CHKA: variants seen among roughly 807,000 people sequenced by gnomAD.
CHKA encodes the protein CHETK-alpha.
In CHKA, 34 loss-of-function variants were observed where a neutral mutation model predicts 60.1. That is an observed-to-expected ratio of 0.57 (90% confidence interval 0.43 to 0.75). CHKA has a LOEUF of 0.75. Ranked by LOEUF, CHKA falls within the 30% of genes least tolerant of loss-of-function variation. CHKA has a pLI of 0.00. For missense variants in CHKA, 563 were observed against 561.3 expected (o/e 1.00, Z -0.03); for synonymous variants, 217 against 223.1 (o/e 0.97, Z 0.24).
At chr11:68,057,254 A>AT (rs113599464) in intron 11 of CHKA, among the ~76,000 whole-genome samples, 7,410 of 152,234 alleles carry the variant, frequency 0.049, 214 homozygotes, top group African/African-American at 0.083. Context: ...AACTTACTCT[A>AT]TTTTTTCCTC....
At chr11:68,098,556 G>A (rs1204005902) in intron 1 of CHKA, among the ~76,000 whole-genome samples, 3 of 152,108 alleles carry the variant, frequency 2.0e-5, no homozygotes, top group Admixed American at 1.3e-4. Context: ...TTGGGAAGAC[G>A]ACAACATTCT....
rs957294875 is a variant in CHKA at position 68,121,051 on chromosome 11, G to A, written c.127C>T (p.Leu43Phe). Residue 43 changes from leucine to phenylalanine, a missense_variant, in exon 1 of 12, where the codon CTC becomes TTC. Physicochemically the swap from Leu to Phe is conservative, Grantham distance 22. Transcript: ENST00000265689. Reference protein sequence around the residue: ...VGQQRDAASDLESKQLGGQQP... With the variant: ...VGQQRDAASDFESKQLGGQQP... ...TGGCCGCCCAGCTGCTTGGACTCGA[G>A]GTCGCTGGCGGCGTCGCGCTGCTGC... 9.0e-7 allele frequency: 1 copy of A among 1,113,364 alleles called. No homozygotes were observed. The highest frequency in any genetic ancestry group is 1.1e-6 in the Non-Finnish European group (1 of 912,846). 69.0% of individuals were successfully genotyped at this position (1,113,364 alleles called of 1,614,324 possible). A position where few individuals can be genotyped will look rare whatever the true frequency, so the allele number is the denominator to read the frequency against.
intron 2 of CHKA, 110 bp downstream of exon 2, chr11:68,096,909 T>G: frequency 1.5e-6 from 1 of 665,464 alleles, no homozygotes; most frequent in Non-Finnish European, 2.5e-6. Flanking sequence ...TACTCAAATA[T>G]CTTTAGTAAC....
At chr11:68,115,570 T>C (rs1272685741) in intron 1 of CHKA, among the ~76,000 whole-genome samples, 3 of 152,106 alleles carry the variant, frequency 2.0e-5, no homozygotes, top group Admixed American at 6.6e-5. Context: ...CTGGGCACAG[T>C]GGCACACACT....
Position 68,053,971 on chromosome 11 carries a change from T to C in CHKA, c.*17A>G, listed in dbSNP as rs778871823. Reference sequence around the variant, plus strand: ...CCATGCAGTCCAGTGATGAGGTGGATGGAGTCCTCCCCACAGTCACACCCC... The same window carrying C: ...CCATGCAGTCCAGTGATGAGGTGGACGGAGTCCTCCCCACAGTCACACCCC... On this transcript the variant is annotated 3_prime_UTR_variant, in exon 12 of 12. Coordinates refer to ENST00000265689, the MANE Select transcript of CHKA (RefSeq NM_001277.3). 1 of 1,611,788 alleles carries C rather than the reference T, an allele frequency of 6.2e-7. No homozygotes were observed. The highest frequency in any genetic ancestry group is 1.1e-5 in the South Asian group (1 of 90,586).
At chr11:68,068,683 G>A (rs775091264) in intron 7 of CHKA, among the ~76,000 whole-genome samples, 196 bp downstream of exon 7, 1 of 152,154 alleles carries the variant, frequency 6.6e-6, no homozygotes, top group Non-Finnish European at 1.5e-5. Context: ...CTCCCAAAGT[G>A]CTGGGATTAC....
At chr11:68,064,015 G>A (rs1462324046) in intron 10 of CHKA, among the ~76,000 whole-genome samples, 2 of 152,226 alleles carry the variant, frequency 1.3e-5, no homozygotes, top group East Asian at 3.8e-4. Context: ...TTTGCCTGCT[G>A]TATGCTCAGA....
Position 68,110,907 on chromosome 11 carries a change from A to G in CHKA, c.350+9921T>C, listed in dbSNP as rs528107740. 2.6e-4 allele frequency among the ~76,000 whole-genome samples: 40 copies of G among 151,816 alleles called. No individual in the cohort carries two copies. In the South Asian group the frequency reaches 8.1e-3, roughly 31 times the overall value. On this transcript the variant is annotated intron_variant, in intron 1 of 11. Coordinates refer to ENST00000265689, the MANE Select transcript of CHKA (RefSeq NM_001277.3). ...CAGCTACTCGGGAGGCTGAGGCAGGAGAATCGCTTGAATCCAGGAGGCGGA... is the reference window on the plus strand; with the variant it reads ...CAGCTACTCGGGAGGCTGAGGCAGGGGAATCGCTTGAATCCAGGAGGCGGA...
chr11:68,060,032 C>CTTTTTTTTTTTTTTTT (rs377176560), intron 11 of CHKA, among the ~76,000 whole-genome samples: 10 of 134,218 alleles, frequency 7.5e-5, no homozygotes, highest in East Asian at 2.1e-4. Flanking sequence ...GAGTTTCACT[C>CTTTTTTTTTTTTTTTT]TTTTTTTTTT....
chr11:68,069,019 C>A, intron 6 of CHKA, 82 bp from the exon 7 acceptor site: 1 of 1,011,000 alleles, frequency 9.9e-7, no homozygotes, highest in South Asian at 1.3e-5. Context: ...TGGCCAGCAC[C>A]AAATTCGTGC....
chr11:68,091,357 T>C (rs1565186592), intron 2 of CHKA, among the ~76,000 whole-genome samples: 1 of 152,258 alleles, frequency 6.6e-6, no homozygotes, highest in African/African-American at 2.4e-5. Flanking sequence ...TATACTCACA[T>C]GCATTAAGAT....
At chr11:68,069,670 G>A (rs913200097) in intron 6 of CHKA, among the ~76,000 whole-genome samples, 2 of 149,894 alleles carry the variant, frequency 1.3e-5, no homozygotes, top group African/African-American at 4.9e-5. Context: ...GCAACAAAGC[G>A]AGACTCCGTC....
Position 68,066,428 on chromosome 11 carries a change from C to A in CHKA, c.1016+1G>T. The A allele has an allele frequency of 6.2e-7, 1 of 1,602,568 alleles. No homozygotes were observed. The highest frequency in any genetic ancestry group is 1.1e-5 in the South Asian group (1 of 90,840). ...GGAAACACTGGACTGTAACACAGTA[C>A]CTGTAATTGTAACTGCTGTATTCGA... On this transcript the variant is annotated splice_donor_variant, in intron 8 of 11. Coordinates refer to ENST00000265689, the MANE Select transcript of CHKA (RefSeq NM_001277.3). LOFTEE classifies it high-confidence loss of function.
intron 3 of CHKA, among the ~76,000 whole-genome samples, chr11:68,077,091 C>T (rs761363873): frequency 8.6e-5 from 13 of 152,040 alleles, no homozygotes; most frequent in Admixed American, 3.3e-4. Context: ...AGTATAAAAA[C>T]TATCTGGGCA....
intron 2 of CHKA, among the ~76,000 whole-genome samples, chr11:68,093,007 GTTTTTTTTTT>G (rs34534250): frequency 7.2e-6 from 1 of 139,782 alleles, no homozygotes; most frequent in Admixed American, 7.2e-5. Flanking sequence ...TTTTTTTTGG[GTTTTTTTTTT>G]TTTTTTTTGA....
In CHKA at chr11:68,054,021, G is replaced by A. The variant is rs1431955796; in HGVS notation, c.1341C>T (p.Ala447=). ...CAAGCTTCCTCTTCTGGTGGAAATA[G>A]GCATCAAACCTTGCTTGGGCGTAGT... ...YMDYAQARFD[A]YFHQKRKLGV The change falls in exon 12 of 12, where the codon GCC becomes GCT. Residue 447 remains alanine, a synonymous_variant. Transcript: ENST00000265689. The A allele has an allele frequency of 6.2e-7, 1 of 1,613,622 alleles. No homozygotes were observed. The highest frequency in any genetic ancestry group is 1.1e-5 in the South Asian group (1 of 90,854).
intron 2 of CHKA, among the ~76,000 whole-genome samples, chr11:68,083,128 C>T (rs1857039615): frequency 6.6e-6 from 1 of 152,140 alleles, no homozygotes; most frequent in African/African-American, 2.4e-5. Flanking sequence ...TTAGTCTTCT[C>T]CCAGAGCACC....
chr11:68,086,372 G>A (rs1857178358), intron 2 of CHKA, among the ~76,000 whole-genome samples: 2 of 152,136 alleles, frequency 1.3e-5, no homozygotes, highest in African/African-American at 4.8e-5. Flanking sequence ...GACCAAGGAG[G>A]AAGAGATGTC....
intron 3 of CHKA, among the ~76,000 whole-genome samples, chr11:68,079,430 C>A (rs1262399960): frequency 6.6e-6 from 1 of 151,366 alleles, no homozygotes; most frequent in Non-Finnish European, 1.5e-5. Context: ...CCTAGGTTCA[C>A]GCCATTCTCC....
Sources: allele counts gnomAD v4.1 joint callset (sites outside exome capture counted in the v4.1 genomes callset), GRCh38; gene constraint gnomAD v4.1.1; transcripts MANE v1.5; gene names NCBI Gene and HGNC (gene_info 2026-07-23, HGNC 2026-07-21).